PINX1: variants seen among roughly 807,000 people sequenced by gnomAD.
The protein encoded by PINX1 is PIN2 (TERF1) interacting telomerase inhibitor 1.
PINX1 carries 34 observed loss-of-function variants against 25.4 expected under a neutral mutation model. The observed-to-expected ratio is 1.34, with a 90% confidence interval of 1.02 to 1.78. The LOEUF is 1.78. Ranked by LOEUF, PINX1 falls within the 40% of genes most tolerant of loss-of-function variation. PINX1 has a pLI of 0.00. For synonymous variants in PINX1, 197 were observed against 147.7 expected (o/e 1.33, Z -2.42); for missense variants, 592 against 404.9 (o/e 1.46, Z -3.97).
chr8:10,820,836 G>C (rs1004913621), intron 5 of PINX1, among the ~76,000 whole-genome samples: 3 of 152,154 alleles, frequency 2.0e-5, no homozygotes. Flanking sequence ...GGGTGACAGG[G>C]TTTCAGATTT....
chr8:10,825,414 G>A, intron 5 of PINX1: 1 of 534,804 alleles, frequency 1.9e-6, no homozygotes, highest in Non-Finnish European at 3.8e-6. Context: ...TGTAAACTAT[G>A]TAATAAGTAG....
rs907152098 is a variant in PINX1, at chr8:10,766,437, C to A, written c.472-521G>T. Among the ~76,000 whole-genome samples, 3 of 152,212 alleles carry A rather than the reference C, an allele frequency of 2.0e-5. No homozygotes were observed. In the East Asian group the frequency reaches 5.8e-4, roughly 29 times the overall value. On this transcript the variant is annotated intron_variant, in intron 6 of 6. Transcript: ENST00000314787. ...CTTCCATGAGGACAGGAGCCGCATT[C>A]CACCCTGGAACCTGGCTTGCCAGGG... is the stretch of plus-strand genomic sequence containing the variant.
chr8:10,835,388 C>T (rs975528461), intron 1 of PINX1, among the ~76,000 whole-genome samples: 1 of 152,166 alleles, frequency 6.6e-6, no homozygotes, highest in Admixed American at 6.5e-5. Context: ...TCCTTTAAAC[C>T]AACCTTGGTC....
intron 1 of PINX1, among the ~76,000 whole-genome samples, chr8:10,838,658 C>A (rs1798478327): frequency 6.6e-6 from 1 of 152,186 alleles, no homozygotes; most frequent in African/African-American, 2.4e-5. Flanking sequence ...TAGGCTCTAA[C>A]CCTGACTCCT....
intron 1 of PINX1, among the ~76,000 whole-genome samples, chr8:10,836,734 G>A (rs915248310): frequency 1.3e-5 from 2 of 152,134 alleles, no homozygotes; most frequent in Non-Finnish European, 2.9e-5. Flanking sequence ...GTAACACTGG[G>A]TTAAACTAAA....
At chr8:10,831,500 GAACAT>G (rs1251717086) in intron 4 of PINX1, among the ~76,000 whole-genome samples, 160 bp downstream of exon 4, 1 of 152,142 alleles carries the variant, frequency 6.6e-6, no homozygotes, top group Non-Finnish European at 1.5e-5. Flanking sequence ...TTACGTTGAT[GAACAT>G]AACACATGTG....
intron 6 of PINX1, among the ~76,000 whole-genome samples, chr8:10,800,988 C>CCTG (rs1181853015): frequency 1.3e-5 from 2 of 152,114 alleles, no homozygotes; most frequent in Non-Finnish European, 2.9e-5. Context: ...TGGGGGAGTC[C>CCTG]CTGGCATCAG....
intron 5 of PINX1, among the ~76,000 whole-genome samples, chr8:10,820,888 C>T (rs754809746): frequency 1.3e-5 from 2 of 152,176 alleles, no homozygotes; most frequent in Non-Finnish European, 2.9e-5. Context: ...TATATTGTCT[C>T]TAAATAAAAA....
chr8:10,809,105 C>A (rs933839046), intron 6 of PINX1, among the ~76,000 whole-genome samples: 1 of 152,210 alleles, frequency 6.6e-6, no homozygotes, highest in Non-Finnish European at 1.5e-5. Flanking sequence ...TGGTTTATTT[C>A]AGCTAATGTT....
Position 10,820,188 on chromosome 8 carries a change from T to C in PINX1, c.471+5A>G, listed in dbSNP as rs1328558875. On this transcript the variant is annotated splice_donor_5th_base_variant and intron_variant, in intron 6 of 6. Transcript: ENST00000314787. The stretch of plus-strand genomic sequence containing the variant: ...GGAACACGGAAACTGTACGTGGCTT[T>C]ATACCTCGGGAGTCTTCTTACTCTG... 1.9e-6 allele frequency: 3 copies of C among 1,591,520 alleles called. No individual in the cohort carries two copies. The highest frequency in any genetic ancestry group is 1.7e-5 in the Admixed American group (1 of 59,972).
chr8:10,765,605 G>A lies in PINX1; in HGVS notation c.783C>T (p.Leu261=), dbSNP rs765112425. ...KKKSAPAEEQ[L]RGPCWDQSSK... is the part of the protein sequence containing the mutation. ...AACTCTGGTCCCAGCAGGGGCCTCTGAGCTGCTCTTCTGCTGGCGCGCTCT... is the reference window on the plus strand; with the variant it reads ...AACTCTGGTCCCAGCAGGGGCCTCTAAGCTGCTCTTCTGCTGGCGCGCTCT... The change falls in exon 7 of 7, where the codon CTC becomes CTT. Residue 261 remains leucine, a synonymous_variant. Coordinates refer to ENST00000314787, the MANE Select transcript of PINX1 (RefSeq NM_017884.6). 42 of 1,613,660 alleles carry A rather than the reference G, an allele frequency of 2.6e-5. No individual in the cohort carries two copies. The highest frequency in any genetic ancestry group is 3.3e-5 in the Non-Finnish European group (39 of 1,179,868).
chr8:10,807,338 CA>C (rs1802486224), intron 6 of PINX1, among the ~76,000 whole-genome samples: 2 of 106,794 alleles, frequency 1.9e-5, no homozygotes, highest in Non-Finnish European at 1.8e-5. Flanking sequence ...CCCCCCCCCC[CA>C]CCAAAGTAGA....
At chr8:10,787,223 ACG>A (rs1171902591) in intron 6 of PINX1, among the ~76,000 whole-genome samples, 1 of 151,734 alleles carries the variant, frequency 6.6e-6, no homozygotes, top group Non-Finnish European at 1.5e-5. Context: ...ACACACACAC[ACG>A]TTTGTTTGTT....
intron 6 of PINX1, among the ~76,000 whole-genome samples, chr8:10,813,214 T>C (rs1217095717): frequency 6.6e-6 from 1 of 152,134 alleles, no homozygotes; most frequent in Non-Finnish European, 1.5e-5. Context: ...TACTTTGGTG[T>C]CCAGATGTGG....
Position 10,838,663 on chromosome 8 carries a change from ACTC to A in PINX1, c.19+1072_19+1074del, listed in dbSNP as rs1380759565. Among the ~76,000 whole-genome samples the A allele has an allele frequency of 5.3e-5, 8 of 152,170 alleles. No individual in the cohort carries two copies. In the South Asian group the frequency reaches 1.5e-3, roughly 28 times the overall value. ...CTTAGCTATCTAGGCTCTAACCCTG[ACTC>A]CTCATTTTTTACTGGTGAAAAAATA... On this transcript the variant is annotated intron_variant, in intron 1 of 6. Coordinates refer to ENST00000314787, the MANE Select transcript of PINX1 (RefSeq NM_017884.6).
chr8:10,830,183 C>T (rs1260223229), intron 4 of PINX1, among the ~76,000 whole-genome samples: 1 of 152,134 alleles, frequency 6.6e-6, no homozygotes, highest in Non-Finnish European at 1.5e-5. Flanking sequence ...CATATTAGGA[C>T]CACACACAGA....
intron 3 of PINX1, 126 bp downstream of exon 3, chr8:10,832,766 G>C (rs995443684): frequency 2.8e-5 from 16 of 580,206 alleles, no homozygotes; most frequent in African/African-American, 2.3e-4. Flanking sequence ...CAGTGTTCAA[G>C]AGGAAACGTG....
intron 1 of PINX1, among the ~76,000 whole-genome samples, chr8:10,838,600 T>C (rs993833531): frequency 6.6e-6 from 1 of 152,202 alleles, no homozygotes; most frequent in Admixed American, 6.5e-5. Flanking sequence ...GCATGCTGAA[T>C]TAAGCAAACA....
At chr8:10,782,320 C>A (rs1441439113) in intron 6 of PINX1, among the ~76,000 whole-genome samples, 1 of 151,920 alleles carries the variant, frequency 6.6e-6, no homozygotes, top group African/African-American at 2.4e-5. Context: ...AGGAGGTTCA[C>A]TAAATGAGAT....
Sources: gnomAD v4.1 joint callset for allele counts (sites outside exome capture counted in the v4.1 genomes callset) on GRCh38, gnomAD v4.1.1 for gene constraint, MANE v1.5 for transcripts, NCBI Gene and HGNC (gene_info 2026-07-23, HGNC 2026-07-21) for gene names.